MTMR10: variants seen among roughly 807,000 people sequenced by gnomAD.
MTMR10 encodes myotubularin related protein 10, also known as myotubularin-related protein 10.
In MTMR10, 56 loss-of-function variants were observed where a neutral mutation model predicts 88.1. The ratio of observed to expected loss-of-function variants is 0.64; its 90% CI spans 0.51 to 0.79. The LOEUF (loss-of-function observed/expected upper bound fraction) is 0.79. Ranked by LOEUF, MTMR10 falls within the 30% of genes least tolerant of loss-of-function variation. The pLI, the probability that MTMR10 is intolerant of heterozygous loss-of-function variation, is 0.00. For synonymous variants in MTMR10, 380 were observed against 340.9 expected (o/e 1.11, Z -1.26); for missense variants, 883 against 924.7 (o/e 0.95, Z 0.58).
In MTMR10 at chr15:30,941,722, C is replaced by G; in HGVS notation, c.2082G>C (p.Arg694Ser). Residue 694 changes from arginine (R) to serine (S), a missense_variant, in exon 16 of 16, where the codon AGG becomes AGC. Transcript: ENST00000435680. Reference protein sequence around the residue: ...LLADEVDVLSRMLRQQRSGPL... With the variant: ...LLADEVDVLSSMLRQQRSGPL... ...GGCCACTGCGCTGTTGCCGCAGCAT[C>G]CTGCTCAGTACGTCGACTTCATCAG... 2.5e-6 allele frequency: 4 copies of G among 1,613,960 alleles called. No individual in the cohort carries two copies. The highest frequency in any genetic ancestry group is 3.4e-6 in the Non-Finnish European group (4 of 1,179,866).
chr15:30,925,847 T>G, the MTMR10 span: 1 of 1,614,254 alleles, frequency 6.2e-7, no homozygotes, highest in Non-Finnish European at 8.5e-7. Flanking sequence ...GTGTTTGTGA[T>G]GGAGGCCGGG....
At chr15:30,971,352 G>T (rs933491202) in intron 5 of MTMR10, among the ~76,000 whole-genome samples, 2 of 152,114 alleles carry the variant, frequency 1.3e-5, no homozygotes, top group East Asian at 3.8e-4. Flanking sequence ...ACAGTGGATG[G>T]TTTCTTTCCT....
rs1219613046 is a variant in MTMR10, at chr15:30,974,347, G to A, written c.441C>T (p.Arg147=). 2 of 1,603,710 alleles carry A rather than the reference G, an allele frequency of 1.2e-6. No homozygotes were observed. The highest frequency in any genetic ancestry group is 3.4e-5 in the Admixed American group (2 of 59,346). ...YCKDFRIVRF[R]FDESGPESAK... ...CACTTTCGGGACCTGATTCATCAAA[G>A]CGAAATCTGACAATTCTGAAATCTT... The change falls in exon 5 of 16, where the codon CGC becomes CGT. Residue 147 remains arginine, a synonymous_variant. Coordinates refer to ENST00000435680, the MANE Select transcript of MTMR10 (RefSeq NM_017762.3).
intron 6 of MTMR10, among the ~76,000 whole-genome samples, chr15:30,963,686 T>C (rs56122524): frequency 2.2e-4 from 6 of 27,124 alleles, no homozygotes; most frequent in Admixed American, 1.8e-3. Flanking sequence ...GATAGATAGA[T>C]AGATAGTAAA....
At chr15:30,943,906 G>A in intron 14 of MTMR10, 2 of 985,396 alleles carry the variant, frequency 2.0e-6, no homozygotes, top group Non-Finnish European at 2.4e-6. Context: ...GGCTACCACA[G>A]CAGTGTATAC....
chr15:30,963,693 TA>T (rs2063437880), intron 6 of MTMR10, among the ~76,000 whole-genome samples: 1 of 33,632 alleles, frequency 3.0e-5, no homozygotes, highest in Admixed American at 3.4e-4. Context: ...AGATAGATAG[TA>T]AAATGCTCAT....
In MTMR10 at chr15:30,980,595, C is replaced by T. The variant is rs190669863; in HGVS notation, c.122-3640G>A. Among the ~76,000 whole-genome samples, 3 of 152,302 alleles carry T rather than the reference C, an allele frequency of 2.0e-5. No homozygotes were observed. The East Asian group carries it at 5.8e-4, about 29-fold the overall frequency. ...CCAGCAACAACATACACACTCAGTA[C>T]CCAGCTCTTGCTTTTAAAATACCAT... On this transcript the variant is annotated intron_variant, in intron 2 of 15. Transcript: ENST00000435680.
At chr15:30,956,618 A>G (rs956407482) in intron 9 of MTMR10, among the ~76,000 whole-genome samples, 5 of 152,250 alleles carry the variant, frequency 3.3e-5, no homozygotes, top group African/African-American at 7.2e-5. Context: ...AAACCTAAAG[A>G]AGGCCAGTGG....
At chr15:30,955,651 G>A (rs775795017) in intron 9 of MTMR10, among the ~76,000 whole-genome samples, 27 of 152,220 alleles carry the variant, frequency 1.8e-4, no homozygotes, top group Middle Eastern at 6.8e-3. Context: ...TGCCAAGGGG[G>A]GGGCGGGGCA....
At position 30,991,607 on chromosome 15, in the gene MTMR10, G is replaced by C; in HGVS notation, c.-101C>G. ...GTGCGGCCGCCCAGGCCCTTTCTGCGGCCAGCCGAGCCGGGCGGACTGACG... is the reference window on the plus strand; with the variant it reads ...GTGCGGCCGCCCAGGCCCTTTCTGCCGCCAGCCGAGCCGGGCGGACTGACG... On this transcript the variant is annotated 5_prime_UTR_variant, in exon 1 of 16. Coordinates refer to ENST00000435680, the MANE Select transcript of MTMR10 (RefSeq NM_017762.3). The C allele has an allele frequency of 2.2e-6, 3 of 1,382,430 alleles. No individual in the cohort carries two copies. The highest frequency in any genetic ancestry group is 3.5e-5 in the Admixed American group (1 of 28,700). The allele number at this position is 1,382,430 out of a possible 1,614,324, so 85.6% of individuals were successfully genotyped here.
chr15:30,989,749 ATT>A (rs34536708), intron 2 of MTMR10, among the ~76,000 whole-genome samples: 6 of 150,642 alleles, frequency 4.0e-5, no homozygotes, highest in Admixed American at 1.3e-4. Context: ...TGCCTGGCTA[ATT>A]TTTTTTTGTA....
intron 7 of MTMR10, among the ~76,000 whole-genome samples, chr15:30,960,585 TG>T (rs1463366601): frequency 1.3e-5 from 2 of 152,328 alleles, no homozygotes; most frequent in Admixed American, 6.5e-5. Flanking sequence ...AAATTCAATG[TG>T]AAGACTTTAG....
intron 6 of MTMR10, among the ~76,000 whole-genome samples, chr15:30,962,153 G>C (rs901095059): frequency 2.0e-5 from 3 of 152,180 alleles, no homozygotes; most frequent in Non-Finnish European, 4.4e-5. Flanking sequence ...GCCTAGACTT[G>C]CATTTCCTTA....
the MTMR10 span, among the ~76,000 whole-genome samples, chr15:30,923,474 A>AG: frequency 8.5e-5 from 13 of 152,222 alleles, no homozygotes; most frequent in African/African-American, 3.1e-4. Context: ...AGCTAAGCCT[A>AG]GTTCCTCCTA....
the MTMR10 span, chr15:30,930,528 G>T: frequency 6.3e-7 from 1 of 1,583,192 alleles, no homozygotes; most frequent in Non-Finnish European, 8.5e-7. Context: ...TAACTGTCCT[G>T]TGTTTTGTGT....
At chr15:30,928,759 T>C in the MTMR10 span, 1 of 1,570,404 alleles carries the variant, frequency 6.4e-7, no homozygotes, top group African/African-American at 1.4e-5. Flanking sequence ...ACCATCTCTG[T>C]TACGGTCCTT....
the MTMR10 span, chr15:30,929,250 C>T: frequency 1.2e-6 from 2 of 1,613,592 alleles, no homozygotes; most frequent in South Asian, 2.2e-5. Context: ...CAAGCAGACG[C>T]CCAGCCCTTG....
intron 2 of MTMR10, among the ~76,000 whole-genome samples, chr15:30,986,054 C>G (rs1397548358): frequency 2.0e-5 from 3 of 152,114 alleles, no homozygotes; most frequent in African/African-American, 7.2e-5. Context: ...TGGTGGCTCA[C>G]GGCTATAATC....
the MTMR10 span, among the ~76,000 whole-genome samples, chr15:30,930,024 A>G: frequency 1.2e-4 from 16 of 138,068 alleles, no homozygotes; most frequent in Non-Finnish European, 2.0e-4. Context: ...AATATATAAT[A>G]ATATATATAT....
Sources: gnomAD v4.1 joint callset for allele counts (sites outside exome capture counted in the v4.1 genomes callset) on GRCh38, gnomAD v4.1.1 for gene constraint, MANE v1.5 for transcripts, NCBI Gene and HGNC (gene_info 2026-07-23, HGNC 2026-07-21) for gene names.